The following GNE variants were observed in gnomAD, a reference collection of about 807,000 sequenced individuals.
GNE encodes the protein glucosamine (UDP-N-acetyl)-2-epimerase/N-acetylmannosamine kinase.
A neutral mutation model predicts 61.8 loss-of-function variants in GNE; 41 were observed. That is an observed-to-expected ratio of 0.66 (90% CI 0.52 to 0.86). GNE has a LOEUF of 0.86. Ranked by LOEUF, GNE falls within the 40% of genes least tolerant of loss-of-function variation. The pLI, the probability that GNE is intolerant of heterozygous loss-of-function variation, is 0.00. For synonymous variants in GNE, 264 were observed against 326.4 expected, an observed-to-expected ratio of 0.81 and a Z score of 2.06; for missense variants, 608 against 909.1, an observed-to-expected ratio of 0.67 and a Z score of 4.26.
intron 9 of GNE, among the ~76,000 whole-genome samples, chr9:36,221,402 C>T (rs1381198651): frequency 6.6e-6 from 1 of 152,154 alleles, no homozygotes; most frequent in Non-Finnish European, 1.5e-5. Context: ...TTAGACATAT[C>T]TGTATCAGAT....
intron 2 of GNE, among the ~76,000 whole-genome samples, chr9:36,248,275 A>T (rs1464964155): frequency 6.6e-6 from 1 of 151,496 alleles, no homozygotes; most frequent in Non-Finnish European, 1.5e-5. Context: ...ATACATCAAG[A>T]TGTATGTAAT....
rs370730412 is a variant in GNE at position 36,218,180 on chromosome 9, C to T, written c.1933+3G>A. On this transcript the variant is annotated splice_donor_region_variant and intron_variant, in intron 11 of 11. Coordinates refer to ENST00000642385, the MANE Select transcript of GNE (RefSeq NM_005476.7). The surrounding 1 kb of genome is among the most constrained non-coding windows in gnomAD (Gnocchi z 4.1). ...GCACAGCCACCTGCAGCCACATGCT[C>T]ACCTGTTCTTAGGATGCTCTGGGCC... is the stretch of plus-strand genomic sequence containing the variant. 51 of 1,601,996 alleles carry T rather than the reference C, an allele frequency of 3.2e-5. No homozygotes were observed. The African/African-American group carries it at 5.9e-4, about 19-fold the overall frequency.
At chr9:36,230,057 C>T (rs1335655705) in intron 5 of GNE, among the ~76,000 whole-genome samples, 1 of 152,130 alleles carries the variant, frequency 6.6e-6, no homozygotes, top group East Asian at 1.9e-4. Context: ...AACGATTCTC[C>T]TGCCTCAGCC....
At chr9:36,237,074 G>T in intron 3 of GNE, 90 bp from the exon 4 acceptor site, 1 of 1,043,934 alleles carries the variant, frequency 9.6e-7, no homozygotes, top group Non-Finnish European at 1.5e-6. Context: ...CTCTAAGTCT[G>T]TGCTTTTAAA....
chr9:36,257,734 C>T (rs71531221), intron 1 of GNE, among the ~76,000 whole-genome samples: 1 of 124,402 alleles, frequency 8.0e-6, no homozygotes, highest in Non-Finnish European at 1.6e-5. Flanking sequence ...ACCTGGGAGG[C>T]GGAGCTTGCA....
intron 1 of GNE, among the ~76,000 whole-genome samples, chr9:36,269,764 C>T (rs143270033): frequency 1.4e-3 from 217 of 150,152 alleles, no homozygotes; most frequent in African/African-American, 2.9e-3. Context: ...CAGGTTCAAG[C>T]GATTCTCCTG....
At chr9:36,272,806 C>G (rs554762764) in intron 1 of GNE, among the ~76,000 whole-genome samples, 1 of 150,232 alleles carries the variant, frequency 6.7e-6, no homozygotes, top group Admixed American at 6.7e-5. Context: ...CCCAGTGGCT[C>G]ACATCTGTAA....
upstream of GNE, among the ~76,000 whole-genome samples, chr9:36,262,054 C>A (rs898809222): frequency 2.6e-5 from 4 of 151,704 alleles, no homozygotes; most frequent in Non-Finnish European, 5.9e-5. Context: ...AAATTAACTT[C>A]AAAAACAATT....
rs375794259 is a variant in GNE at position 36,242,732 on chromosome 9, G to GCTTTTTTT, written c.616+3298_616+3299insAAAAAAAG. Reference sequence around the variant, plus strand: ...CGCATCTGGCCTGGGTTTTATGCTTGTTTTTTTTTTTTTTTTTTTTTTTGA... The same window carrying GCTTTTTTT: ...CGCATCTGGCCTGGGTTTTATGCTTGCTTTTTTTTTTTTTTTTTTTTTTTTTTTTTTGA... On this transcript the variant is annotated intron_variant, in intron 3 of 11. Transcript: ENST00000642385. Among the ~76,000 whole-genome samples, 4 of 95,992 alleles carry GCTTTTTTT rather than the reference G, an allele frequency of 4.2e-5. 1 individual carries two copies. The highest frequency in any genetic ancestry group is 2.0e-5 in the Non-Finnish European group (1 of 50,778). 63.0% of individuals were successfully genotyped at this position (95,992 alleles called of 152,430 possible).
chr9:36,261,489 G>A (rs895302730), upstream of GNE, among the ~76,000 whole-genome samples: 19 of 148,948 alleles, frequency 1.3e-4, no homozygotes, highest in Non-Finnish European at 2.5e-4. Flanking sequence ...GGAGGCAGAG[G>A]TTGCAGTGAG....
Position 36,246,090 on chromosome 9 carries a change from T to C in GNE, c.557A>G (p.Tyr186Cys), listed in dbSNP as rs747496165. ...DRILLAGCPS[Y>C]DKLLSAKNKD... ...GTTCTTGGCTGAGAGAAGTTTGTCA[T>C]AGGAAGGGCAGCCTGCCAAAAGGAT... is the stretch of plus-strand genomic sequence containing the variant. The change falls in exon 3 of 12, where the codon TAT (tyrosine) becomes TGT (cysteine). Residue 186 changes from tyrosine to cysteine, a missense_variant. Coordinates refer to ENST00000642385, the MANE Select transcript of GNE (RefSeq NM_005476.7). 3 of 1,614,194 alleles carry C rather than the reference T, an allele frequency of 1.9e-6. No individual in the cohort carries two copies. Among genetic ancestry groups the C allele is most frequent in the Admixed American group, 1.7e-5 (1 of 60,020 alleles).
At chr9:36,233,707 T>A (rs1829275151) in intron 5 of GNE, among the ~76,000 whole-genome samples, 1 of 152,054 alleles carries the variant, frequency 6.6e-6, no homozygotes, top group South Asian at 2.1e-4. Context: ...CTAATTGATA[T>A]TACAAAGACA....
rs1182500936 is a variant in GNE, at chr9:36,216,889, GTCTCGATCTCCTGACC to G, written c.*460_*475del. The G allele has an allele frequency of 1.0e-5, 2 of 197,442 alleles. No homozygotes were observed. Among genetic ancestry groups the G allele is most frequent in the African/African-American group, 4.7e-5 (2 of 42,148 alleles). 12.2% of individuals were successfully genotyped at this position (197,442 alleles called of 1,614,324 possible). On this transcript the variant is annotated 3_prime_UTR_variant, in exon 12 of 12. Coordinates refer to ENST00000642385, the MANE Select transcript of GNE (RefSeq NM_005476.7). The stretch of plus-strand genomic sequence containing the variant: ...ATGTTTCACCATGTTAGCCAGGGCG[GTCTCGATCTCCTGACC>G]TCGTGATCCGCCCGCCTCGGCCTCC...
At chr9:36,242,465 T>C (rs904436959) in intron 3 of GNE, among the ~76,000 whole-genome samples, 4 of 152,152 alleles carry the variant, frequency 2.6e-5, no homozygotes, top group African/African-American at 9.6e-5. Flanking sequence ...TGTTGCCAGA[T>C]TGGAGTGCAG....
intron 2 of GNE, among the ~76,000 whole-genome samples, chr9:36,247,163 TC>T (rs1829918515): frequency 1.3e-5 from 2 of 152,062 alleles, no homozygotes; most frequent in Admixed American, 1.3e-4. Context: ...TTCAAGCGAT[TC>T]TCCTGCCTCA....
chr9:36,271,084 T>C (rs1292858539), intron 1 of GNE, among the ~76,000 whole-genome samples: 1 of 152,188 alleles, frequency 6.6e-6, no homozygotes, highest in East Asian at 1.9e-4. Flanking sequence ...AGATAAAGTA[T>C]GCCTAGGGGA....
chr9:36,259,092 G>A (rs1830524895), upstream of GNE, among the ~76,000 whole-genome samples: 1 of 152,216 alleles, frequency 6.6e-6, no homozygotes, highest in African/African-American at 2.4e-5. Flanking sequence ...TTGGGTTGCT[G>A]TTGTTTTTGA....
intron 3 of GNE, among the ~76,000 whole-genome samples, chr9:36,243,959 T>G (rs200908408): frequency 1.2e-4 from 1 of 8,196 alleles, no homozygotes; most frequent in Non-Finnish European, 3.9e-4. Flanking sequence ...TTGTTTTTTG[T>G]TTTTTTTTGT....
chr9:36,243,360 T>C (rs577569079), intron 3 of GNE, among the ~76,000 whole-genome samples: 33 of 152,312 alleles, frequency 2.2e-4, no homozygotes, highest in African/African-American at 7.7e-4. Context: ...TTATTTTCTA[T>C]TCATTACAAG....
Sources: gnomAD v4.1 joint callset for allele counts (sites outside exome capture counted in the v4.1 genomes callset) on GRCh38, gnomAD v4.1.1 for gene constraint, Gnocchi (gnomAD v3.1) non-coding constraint, MANE v1.5 for transcripts, NCBI Gene and HGNC (gene_info 2026-07-23, HGNC 2026-07-21) for gene names.